TAF4B: variants seen among roughly 807,000 people sequenced by gnomAD.
TAF4B encodes transcription initiation factor TFIID subunit 4B.
A neutral mutation model predicts 86.4 loss-of-function variants in TAF4B; 38 were observed. That is an observed-to-expected ratio of 0.44 (90% CI 0.34 to 0.58). The LOEUF (loss-of-function observed/expected upper bound fraction) is 0.58. TAF4B is among the 20% of genes least tolerant of loss of function. The pLI is 0.02. For missense variants in TAF4B, 988 were observed against 1,027.6 expected, an observed-to-expected ratio of 0.96 and a Z score of 0.53; for synonymous variants, 388 against 391.2, an observed-to-expected ratio of 0.99 and a Z score of 0.10.
intron 3 of TAF4B, 34 bp from the exon 4 acceptor site, chr18:26,274,629 T>C: frequency 6.2e-7 from 1 of 1,612,878 alleles, no homozygotes; most frequent in South Asian, 1.1e-5. Context: ...ATCATAGTAA[T>C]ACATGCCTAA....
At chr18:26,314,750 G>A (rs577360462) in intron 9 of TAF4B, among the ~76,000 whole-genome samples, 24 of 152,244 alleles carry the variant, frequency 1.6e-4, no homozygotes, top group African/African-American at 4.1e-4. Flanking sequence ...AGTACACTGG[G>A]GACAGCTGAT....
Position 26,265,280 on chromosome 18 carries a change from G to A in TAF4B, c.454G>A (p.Ala152Thr), listed in dbSNP as rs77520691. 1.9e-3 allele frequency: 3,124 copies of A among 1,613,964 alleles called. 31 individuals are homozygous for A. In the African/African-American group the frequency reaches 0.034, roughly 17 times the overall value. ...CATAACCTCAAGGCCAGCAGTACCA[G>A]CGAATCCTCAAACAGTCAAAATCTG... ...SNITSRPAVP[A>T]NPQTVKICTV... Residue 152 changes from alanine to threonine, a missense_variant, in exon 2 of 15, where the codon GCG becomes ACG. This residue lies in a region of TAF4B where 747 missense variants were observed against 737.9 expected (regional missense o/e 1.01). Transcript: ENST00000269142.
intron 1 of TAF4B, among the ~76,000 whole-genome samples, chr18:26,263,414 A>G (rs1473496511): frequency 6.6e-6 from 1 of 151,998 alleles, no homozygotes; most frequent in East Asian, 1.9e-4. Context: ...TGGTATTGTC[A>G]TTGGTCATCT....
intron 7 of TAF4B, among the ~76,000 whole-genome samples, chr18:26,291,391 G>C (rs12957038): frequency 6.6e-6 from 1 of 151,782 alleles, no homozygotes; most frequent in East Asian, 1.9e-4. Flanking sequence ...CTTTAGACCG[G>C]GCGTGGTGGC....
At chr18:26,310,898 A>G (rs2056848002) in intron 9 of TAF4B, among the ~76,000 whole-genome samples, 1 of 151,844 alleles carries the variant, frequency 6.6e-6, no homozygotes, top group South Asian at 2.1e-4. Flanking sequence ...AGCTCCCTAG[A>G]TATAGTATTC....
chr18:26,261,804 C>T (rs1050495212), intron 1 of TAF4B, among the ~76,000 whole-genome samples: 1 of 152,236 alleles, frequency 6.6e-6, no homozygotes, highest in Non-Finnish European at 1.5e-5. Context: ...TTGTATCTCT[C>T]ATGAAGCTAC....
rs770190843 is a variant in TAF4B, at chr18:26,281,953, A to G, written c.883-18A>G. Reference sequence around the variant, plus strand: ...GATTTGTAGACTTAAAATTGTTTCTATTTCTCCCATCCCTCAGGATGCAAA... The same window carrying G: ...GATTTGTAGACTTAAAATTGTTTCTGTTTCTCCCATCCCTCAGGATGCAAA... On this transcript the variant is annotated intron_variant, in intron 5 of 14. Coordinates refer to ENST00000269142, the MANE Select transcript of TAF4B (RefSeq NM_005640.3). The G allele has an allele frequency of 4.4e-6, 7 of 1,579,496 alleles. No individual in the cohort carries two copies. The highest frequency in any genetic ancestry group is 1.4e-5 in the African/African-American group (1 of 73,964).
In TAF4B at chr18:26,360,242, A is replaced by G. The variant is rs542457183; in HGVS notation, c.2421+2448A>G. On this transcript the variant is annotated intron_variant, in intron 14 of 14. Coordinates refer to ENST00000269142, the MANE Select transcript of TAF4B (RefSeq NM_005640.3). Reference sequence around the variant, plus strand: ...AGTGTGCCTATCTCACCACACTCACATTAACACTGGGAACTATCTTTGCCA... The same window carrying G: ...AGTGTGCCTATCTCACCACACTCACGTTAACACTGGGAACTATCTTTGCCA... Among the ~76,000 whole-genome samples the G allele has an allele frequency of 2.6e-5, 4 of 152,336 alleles. No individual in the cohort carries two copies. The South Asian group carries it at 8.3e-4, about 32-fold the overall frequency.
rs182706598 is a variant in TAF4B, at chr18:26,338,003, G to A, written c.2316+2772G>A. Among the ~76,000 whole-genome samples the A allele has an allele frequency of 3.9e-5, 6 of 152,254 alleles. No homozygotes were observed. The East Asian group carries it at 1.2e-3, about 29-fold the overall frequency. On this transcript the variant is annotated intron_variant, in intron 13 of 14. Transcript: ENST00000269142. Reference sequence around the variant, plus strand: ...AAAGATTACTGGCTATCTTATAAATGCAGAACTTCGAAGAACTGTTTACAG... The same window carrying A: ...AAAGATTACTGGCTATCTTATAAATACAGAACTTCGAAGAACTGTTTACAG...
At chr18:26,293,064 C>T (rs539436303) in intron 8 of TAF4B, among the ~76,000 whole-genome samples, 8 of 152,002 alleles carry the variant, frequency 5.3e-5, no homozygotes, top group Admixed American at 3.3e-4. Flanking sequence ...TCAGTCTTAC[C>T]CAAGTCAGGT....
intron 2 of TAF4B, 79 bp downstream of exon 2, chr18:26,265,394 T>C: frequency 7.1e-7 from 1 of 1,407,598 alleles, no homozygotes; most frequent in Non-Finnish European, 9.4e-7. Context: ...ATATGTTTGC[T>C]AGTAAAAAAT....
chr18:26,286,322 T>C lies in TAF4B; in HGVS notation c.1413T>C (p.Phe471=). 2 of 1,614,248 alleles carry C rather than the reference T, an allele frequency of 1.2e-6. No homozygotes were observed. The highest frequency in any genetic ancestry group is 1.7e-6 in the Non-Finnish European group (2 of 1,180,046). Residue 471 remains phenylalanine (F), a synonymous_variant, in exon 7 of 15, where the codon TTT becomes TTC. Coordinates refer to ENST00000269142, the MANE Select transcript of TAF4B (RefSeq NM_005640.3). ...CACTGTCCCTTCCAGCAGTAACTTT[T>C]GGAGAAACTTCAGGTGCAGCTATTT... ...AVTLSLPAVT[F]GETSGAAICL...
intron 1 of TAF4B, among the ~76,000 whole-genome samples, chr18:26,261,035 A>G (rs1480968635): frequency 2.6e-5 from 4 of 151,612 alleles, no homozygotes; most frequent in African/African-American, 9.7e-5. Flanking sequence ...ACTGGTCCCC[A>G]CTCCTTGGGT....
chr18:26,267,467 T>C (rs2056255137), intron 2 of TAF4B, 49 bp from the exon 3 acceptor site: 13 of 1,270,960 alleles, frequency 1.0e-5, no homozygotes, highest in Non-Finnish European at 1.5e-5. Flanking sequence ...TGATCTTAAA[T>C]TACTAACGCT....
chr18:26,229,273 A>G (rs1440787664), intron 1 of TAF4B, among the ~76,000 whole-genome samples: 1 of 152,162 alleles, frequency 6.6e-6, no homozygotes, highest in Non-Finnish European at 1.5e-5. Flanking sequence ...GAGAAAGAAG[A>G]TAAGTTGTCT....
intron 14 of TAF4B, among the ~76,000 whole-genome samples, chr18:26,362,638 AATT>A (rs2057340512): frequency 1.3e-5 from 2 of 152,236 alleles, no homozygotes; most frequent in South Asian, 4.1e-4. Context: ...TAAAATGCAA[AATT>A]ATTTAATTTT....
In TAF4B at chr18:26,316,933, A is replaced by G. The variant is rs145695715; in HGVS notation, c.2002+1535A>G. The stretch of plus-strand genomic sequence containing the variant: ...CTTCCTGTGATGGCTTGGGAAATCT[A>G]TTGGTAGCTTAACTCCTTATTGCCA... On this transcript the variant is annotated intron_variant, in intron 10 of 14. Transcript: ENST00000269142. Among the ~76,000 whole-genome samples, 85 of 151,624 alleles carry G rather than the reference A, an allele frequency of 5.6e-4. 1 individual carries two copies. The East Asian group carries it at 8.7e-3, about 16-fold the overall frequency.
intron 13 of TAF4B, among the ~76,000 whole-genome samples, chr18:26,344,924 G>A (rs1346125228): frequency 1.3e-5 from 2 of 152,170 alleles, no homozygotes; most frequent in Non-Finnish European, 2.9e-5. Flanking sequence ...TGAATCTGGA[G>A]TCAAGAGAGA....
At chr18:26,250,263 C>T (rs866166812) in intron 1 of TAF4B, among the ~76,000 whole-genome samples, 2 of 151,992 alleles carry the variant, frequency 1.3e-5, no homozygotes, top group East Asian at 3.9e-4. Flanking sequence ...TTTGGGAGGC[C>T]GAGGCAGGCG....
Sources: gnomAD v4.1 joint callset for allele counts (sites outside exome capture counted in the v4.1 genomes callset) on GRCh38, gnomAD v4.1.1 for gene constraint, gnomAD v4.1.1 regional missense constraint, MANE v1.5 for transcripts, NCBI Gene and HGNC (gene_info 2026-07-23, HGNC 2026-07-21) for gene names.